Variants in CDH23 observed in about 807,000 individuals in gnomAD.
The protein encoded by CDH23 is cadherin-23.
CDH23 carries 189 observed loss-of-function variants against 317.1 expected under a neutral mutation model. The observed-to-expected ratio is 0.60, with a 90% CI of 0.53 to 0.67. The LOEUF (loss-of-function observed/expected upper bound fraction) is 0.67, where lower values mean the gene tolerates loss of function less well. Ranked by LOEUF, CDH23 falls within the 30% of genes least tolerant of loss-of-function variation. The pLI is 0.00. For synonymous variants in CDH23, 1,839 were observed against 1,876.8 expected (o/e 0.98, Z 0.52); for missense variants, 4,401 against 4,592.4 (o/e 0.96, Z 1.20).
intron 8 of CDH23, among the ~76,000 whole-genome samples, chr10:71,576,458 G>A (rs1050753582): frequency 7.9e-5 from 12 of 152,130 alleles, no homozygotes; most frequent in Admixed American, 5.9e-4. Flanking sequence ...CCACAAGAGC[G>A]CAGGGCATGC....
intron 1 of CDH23, among the ~76,000 whole-genome samples, chr10:71,412,135 T>A (rs149260438): frequency 1.3e-5 from 2 of 152,346 alleles, no homozygotes; most frequent in African/African-American, 4.8e-5. Context: ...AGTAGGTGTA[T>A]GAATTTAAGG....
At position 71,807,897 on chromosome 10, in the gene CDH23, T is replaced by C. The variant is rs1467993580; in HGVS notation, c.8612T>C (p.Leu2871Pro). 6.2e-7 allele frequency: 1 copy of C among 1,604,070 alleles called. No individual in the cohort carries two copies. Among genetic ancestry groups the C allele is most frequent in the Non-Finnish European group, 8.5e-7 (1 of 1,175,332 alleles). ...VGSELIQVLALDADIGNNSLV... is the reference protein window; with the variant it reads ...VGSELIQVLAPDADIGNNSLV... ...TCAGAGTTGATCCAGGTGCTGGCCC[T>C]GGATGCAGACATTGGCAACAACAGC... Residue 2871 changes from leucine (L) to proline (P), a missense_variant, in exon 60 of 70, where the codon CTG becomes CCG. Leu to Pro is a moderately conservative substitution (Grantham distance 98). Coordinates refer to ENST00000224721, the MANE Select transcript of CDH23 (RefSeq NM_022124.6).
chr10:71,770,544 G>A (rs914534319), intron 38 of CDH23, among the ~76,000 whole-genome samples: 1 of 152,208 alleles, frequency 6.6e-6, no homozygotes, highest in Non-Finnish European at 1.5e-5. Context: ...CTGATCCCTG[G>A]CCCACCCTCC....
At chr10:71,790,976 G>A (rs1841235344) in intron 46 of CDH23, among the ~76,000 whole-genome samples, 156 bp from the exon 47 acceptor site, 2 of 152,172 alleles carry the variant, frequency 1.3e-5, no homozygotes, top group African/African-American at 4.8e-5. Flanking sequence ...TGAGCCTGTG[G>A]GGGAGAAAGT....
intron 27 of CDH23, chr10:71,712,064 T>C (rs988437594): frequency 6.5e-6 from 1 of 153,396 alleles, no homozygotes; most frequent in Non-Finnish European, 1.5e-5. Flanking sequence ...AGAGAATCAG[T>C]CCTTGACCGT....
chr10:71,460,612 G>A (rs1032217210), intron 3 of CDH23, among the ~76,000 whole-genome samples: 11 of 152,386 alleles, frequency 7.2e-5, no homozygotes, highest in African/African-American at 2.2e-4. Context: ...CGGGCCAGGA[G>A]CGGCGTTTGT....
At chr10:71,544,779 C>A (rs954162781) in intron 6 of CDH23, among the ~76,000 whole-genome samples, 4 of 152,216 alleles carry the variant, frequency 2.6e-5, no homozygotes, top group African/African-American at 4.8e-5. Context: ...AGATAGTGCT[C>A]CGTTTTCTAA....
intron 32 of CDH23, among the ~76,000 whole-genome samples, chr10:71,733,262 C>T (rs1352829620): frequency 2.6e-5 from 4 of 152,210 alleles, no homozygotes; most frequent in Non-Finnish European, 2.9e-5. Context: ...CCCAGAGCTT[C>T]GGTGCCCTCC....
intron 18 of CDH23, among the ~76,000 whole-genome samples, chr10:71,682,964 C>T (rs1864716028): frequency 1.3e-5 from 2 of 151,440 alleles, no homozygotes; most frequent in Non-Finnish European, 2.9e-5. Context: ...TCATCTTCTC[C>T]CTTCTCTCTC....
chr10:71,674,648 A>G lies in CDH23; in HGVS notation c.1450-464A>G, dbSNP rs150179977. 7.2e-3 allele frequency among the ~76,000 whole-genome samples: 1,098 copies of G among 152,318 alleles called. 16 individuals carry two copies. Among genetic ancestry groups the G allele is most frequent in the African/African-American group, 0.025 (1,057 of 41,564 alleles). Reference sequence around the variant, plus strand: ...GGTACTATTATTAGCACCACCTCCAATTTACAGATGGGGAAACTGAGGCAT... The same window carrying G: ...GGTACTATTATTAGCACCACCTCCAGTTTACAGATGGGGAAACTGAGGCAT... On this transcript the variant is annotated intron_variant, in intron 14 of 69. Coordinates refer to ENST00000224721, the MANE Select transcript of CDH23 (RefSeq NM_022124.6).
chr10:71,562,443 G>A (rs545035154), intron 6 of CDH23, among the ~76,000 whole-genome samples: 2 of 152,326 alleles, frequency 1.3e-5, no homozygotes, highest in Admixed American at 1.3e-4. Flanking sequence ...GCCTCGGGTG[G>A]CGGGCACTGT....
At chr10:71,735,300 G>A (rs1387250211) in intron 34 of CDH23, among the ~76,000 whole-genome samples, 1 of 152,182 alleles carries the variant, frequency 6.6e-6, no homozygotes, top group Non-Finnish European at 1.5e-5. Context: ...CAGCCTCTAA[G>A]TAAAGGCAGA....
At chr10:71,750,564 T>C (rs1839972225) in intron 38 of CDH23, 1 of 152,334 alleles carries the variant, frequency 6.6e-6, no homozygotes, top group African/African-American at 2.4e-5. Context: ...AAGACACCAT[T>C]TGCTCACGGA....
intron 6 of CDH23, among the ~76,000 whole-genome samples, chr10:71,566,497 G>A (rs1203521546): frequency 4.6e-5 from 7 of 151,894 alleles, no homozygotes; most frequent in Non-Finnish European, 8.8e-5. Flanking sequence ...CAGAACTCTA[G>A]GTTAAGCAAA....
At chr10:71,580,644 A>G (rs1858558710) in intron 9 of CDH23, among the ~76,000 whole-genome samples, 1 of 152,168 alleles carries the variant, frequency 6.6e-6, no homozygotes, top group South Asian at 2.1e-4. Context: ...TTTGACAAAT[A>G]TTTGCCATCC....
intron 38 of CDH23, among the ~76,000 whole-genome samples, chr10:71,760,010 T>TACACACACACATATATAC (rs1564779604): frequency 5.6e-4 from 54 of 96,556 alleles, no homozygotes; most frequent in African/African-American, 2.1e-3. Context: ...TACATATATA[T>TACACACACACATATATAC]ACACACACAC....
intron 9 of CDH23, among the ~76,000 whole-genome samples, chr10:71,609,951 CGTGTGTGTGTGTGTGTGTGTGT>C (rs34311857): frequency 7.0e-6 from 1 of 142,772 alleles, no homozygotes; most frequent in Non-Finnish European, 1.5e-5. Flanking sequence ...AGGACTCCCC[CGTGTGTGTGTGTGTGTGTGTGT>C]GTGTGTGTGT....
intron 6 of CDH23, among the ~76,000 whole-genome samples, chr10:71,520,010 G>A (rs183740985): frequency 6.6e-5 from 10 of 152,282 alleles, no homozygotes; most frequent in East Asian, 1.9e-4. Flanking sequence ...GTCTCACCAC[G>A]CTGCCCAGGC....
At chr10:71,638,325 C>G (rs1862372845) in intron 11 of CDH23, among the ~76,000 whole-genome samples, 1 of 152,198 alleles carries the variant, frequency 6.6e-6, no homozygotes, top group South Asian at 2.1e-4. Context: ...CAGAGAGAGA[C>G]AAACATCCCG....
Sources: allele counts gnomAD v4.1 joint callset (sites outside exome capture counted in the v4.1 genomes callset), GRCh38; gene constraint gnomAD v4.1.1; transcripts MANE v1.5; gene names NCBI Gene and HGNC (gene_info 2026-07-23, HGNC 2026-07-21).